The following DLGAP2 variants were observed in gnomAD, a reference collection of about 807,000 sequenced individuals.
The protein encoded by DLGAP2 is disks large-associated protein 2.
A neutral mutation model predicts 100.3 loss-of-function variants in DLGAP2; 26 were observed. The ratio of observed to expected loss-of-function variants is 0.26; its 90% CI spans 0.19 to 0.36. The LOEUF (loss-of-function observed/expected upper bound fraction) is 0.36, where lower values mean the gene tolerates loss of function less well. Among genes scored for constraint, DLGAP2 ranks in the 10% least tolerant of loss-of-function variants. The pLI, the probability that DLGAP2 is intolerant of heterozygous loss-of-function variation, is 1.00. For missense variants in DLGAP2, 1,858 were observed against 1,453.2 expected, an observed-to-expected ratio of 1.28 and a Z score of -4.53; for synonymous variants, 886 against 630.1, an observed-to-expected ratio of 1.41 and a Z score of -6.08.
chr8:1,640,541 C>G (rs556702861), intron 8 of DLGAP2, among the ~76,000 whole-genome samples: 61 of 152,306 alleles, frequency 4.0e-4, no homozygotes, highest in African/African-American at 1.5e-3. Context: ...ATTAGAACGT[C>G]TCAGAAACTG....
intron 3 of DLGAP2, among the ~76,000 whole-genome samples, chr8:1,310,058 CAAAAAA>C (rs3052029): frequency 9.5e-6 from 1 of 105,704 alleles, no homozygotes; most frequent in African/African-American, 3.1e-5. Flanking sequence ...GTCTCCATCT[CAAAAAA>C]AAAAAAAAAA....
chr8:1,265,125 A>G (rs963092644), intron 3 of DLGAP2, among the ~76,000 whole-genome samples: 1 of 152,242 alleles, frequency 6.6e-6, no homozygotes, highest in Non-Finnish European at 1.5e-5. Flanking sequence ...AGGGAATAAG[A>G]AGATACAACA....
chr8:1,250,082 T>A (rs1799004231), intron 2 of DLGAP2, among the ~76,000 whole-genome samples: 1 of 152,154 alleles, frequency 6.6e-6, no homozygotes. Context: ...GGTTTCACCA[T>A]GTTGGTCAGG....
intron 3 of DLGAP2, among the ~76,000 whole-genome samples, chr8:1,454,801 C>T (rs1218490053): frequency 6.6e-6 from 1 of 152,160 alleles, no homozygotes; most frequent in African/African-American, 2.4e-5. Context: ...GGCCCAGAGA[C>T]CCCCACTGAG....
At chr8:841,607 A>G (rs987525800) in intron 1 of DLGAP2, among the ~76,000 whole-genome samples, 4 of 151,974 alleles carry the variant, frequency 2.6e-5, no homozygotes, top group African/African-American at 7.3e-5. Context: ...GTCTTGCTAT[A>G]TTGCCCAGGG....
intron 6 of DLGAP2, among the ~76,000 whole-genome samples, chr8:1,585,993 G>A (rs1205001495): frequency 1.3e-5 from 2 of 152,186 alleles, no homozygotes; most frequent in South Asian, 2.1e-4. Context: ...CCCACTGCAC[G>A]CATTACTGTA....
rs1803900701 is a variant in DLGAP2 at position 1,084,231 on chromosome 8, T to TA, written c.74-174616dup. Among the ~76,000 whole-genome samples, 7 of 152,370 alleles carry TA rather than the reference T, an allele frequency of 4.6e-5. No individual in the cohort carries two copies. The South Asian group carries it at 1.4e-3, about 32-fold the overall frequency. On this transcript the variant is annotated intron_variant, in intron 2 of 14. Transcript: ENST00000637795. The stretch of plus-strand genomic sequence containing the variant: ...AGCAGTGCTCAGTCCTTGTGTTTTT[T>TA]AAAATGTATTCATTATGTATTTATC...
At chr8:860,831 C>A (rs1195997668) in intron 1 of DLGAP2, among the ~76,000 whole-genome samples, 1 of 152,058 alleles carries the variant, frequency 6.6e-6, no homozygotes, top group African/African-American at 2.4e-5. Flanking sequence ...AAGAAGCAGA[C>A]AAATCATGCC....
chr8:1,389,210 G>A (rs1382872143), intron 3 of DLGAP2, among the ~76,000 whole-genome samples: 2 of 152,194 alleles, frequency 1.3e-5, no homozygotes, highest in East Asian at 1.9e-4. Flanking sequence ...TATGGGAAAT[G>A]CCATAATGGG....
At chr8:748,582 C>G (rs919006998) in intron 1 of DLGAP2, among the ~76,000 whole-genome samples, 2 of 152,150 alleles carry the variant, frequency 1.3e-5, no homozygotes, top group Non-Finnish European at 2.9e-5. Context: ...TAGAATATCT[C>G]GTATCATTTA....
intron 2 of DLGAP2, among the ~76,000 whole-genome samples, chr8:1,163,211 A>G (rs1449917947): frequency 6.6e-6 from 1 of 152,160 alleles, no homozygotes; most frequent in East Asian, 1.9e-4. Flanking sequence ...TGCCAGTGAA[A>G]AACTGACGAT....
At chr8:1,184,685 G>A (rs904396200) in intron 2 of DLGAP2, among the ~76,000 whole-genome samples, 2 of 152,176 alleles carry the variant, frequency 1.3e-5, no homozygotes, top group African/African-American at 4.8e-5. Context: ...AAACAGTGGG[G>A]TGTGGTTAGG....
rs920132551 is a variant in DLGAP2 at position 951,286 on chromosome 8, C to A, written c.73+43320C>A. Among the ~76,000 whole-genome samples, 7 of 152,186 alleles carry A rather than the reference C, an allele frequency of 4.6e-5. No homozygotes were observed. In the South Asian group the frequency reaches 1.0e-3, roughly 22 times the overall value. On this transcript the variant is annotated intron_variant, in intron 2 of 14. Coordinates refer to ENST00000637795, the MANE Select transcript of DLGAP2 (RefSeq NM_001346810.2). ...CACATTGGATAAATGTATTCTGTTG[C>A]CCTGGCTGGAGTGCAGTGGTGTGAT...
In DLGAP2 at chr8:1,084,770, G is replaced by A. The variant is rs137902283; in HGVS notation, c.74-174081G>A. 3.5e-3 allele frequency among the ~76,000 whole-genome samples: 527 copies of A among 152,062 alleles called. 3 individuals are homozygous for A. The highest frequency in any genetic ancestry group is 0.012 in the African/African-American group (510 of 41,466). On this transcript the variant is annotated intron_variant, in intron 2 of 14. Coordinates refer to ENST00000637795, the MANE Select transcript of DLGAP2 (RefSeq NM_001346810.2). ...TGCGTACACCACACTTCCTTTATTC[G>A]TTGCTCCCTTGATGGACACAGGTTG... is the stretch of plus-strand genomic sequence containing the variant.
intron 2 of DLGAP2, among the ~76,000 whole-genome samples, chr8:1,131,587 G>A (rs928655619): frequency 6.6e-6 from 1 of 152,090 alleles, no homozygotes; most frequent in Non-Finnish European, 1.5e-5. Flanking sequence ...GCTTCACCGT[G>A]TGAATTTAGG....
chr8:1,627,444 A>G (rs1797533937), intron 7 of DLGAP2, among the ~76,000 whole-genome samples: 1 of 152,214 alleles, frequency 6.6e-6, no homozygotes, highest in Non-Finnish European at 1.5e-5. Context: ...GGGGGCTGTG[A>G]AAGGGAGGCC....
At chr8:1,202,614 A>G (rs1020796336) in intron 2 of DLGAP2, among the ~76,000 whole-genome samples, 1 of 152,178 alleles carries the variant, frequency 6.6e-6, no homozygotes, top group African/African-American at 2.4e-5. Context: ...AACACGGGAC[A>G]GTCACAGGCA....
intron 2 of DLGAP2, among the ~76,000 whole-genome samples, chr8:1,008,720 G>T (rs1469996305): frequency 6.6e-6 from 1 of 152,176 alleles, no homozygotes; most frequent in Non-Finnish European, 1.5e-5. Flanking sequence ...GCCATGCCAG[G>T]GCCGGTTCCC....
rs1798361529 is a variant in DLGAP2, at chr8:905,532, T to G, written c.19-2380T>G. Reference sequence around the variant, plus strand: ...AGATGCAATTGTGTCATGCGTGAGGTCTGATTGCCTGAGTCCAGGGATGAG... The same window carrying G: ...AGATGCAATTGTGTCATGCGTGAGGGCTGATTGCCTGAGTCCAGGGATGAG... On this transcript the variant is annotated intron_variant, in intron 1 of 14. Transcript: ENST00000637795. Among the ~76,000 whole-genome samples the G allele has an allele frequency of 2.6e-5, 4 of 151,824 alleles. No individual in the cohort carries two copies. The South Asian group carries it at 8.3e-4, about 32-fold the overall frequency.
Sources: gnomAD v4.1 joint callset for allele counts (sites outside exome capture counted in the v4.1 genomes callset) on GRCh38, gnomAD v4.1.1 for gene constraint, MANE v1.5 for transcripts, NCBI Gene and HGNC (gene_info 2026-07-23, HGNC 2026-07-21) for gene names.